The following NAF1 variants were observed in gnomAD, a reference collection of about 807,000 sequenced individuals.
NAF1 encodes H/ACA ribonucleoprotein complex non-core subunit NAF1.
In NAF1, 11 loss-of-function variants were observed where a neutral mutation model predicts 40.6. That is an observed-to-expected ratio of 0.27 (90% CI 0.17 to 0.45). The LOEUF (loss-of-function observed/expected upper bound fraction) is 0.45. Among genes scored for constraint, NAF1 ranks in the 20% least tolerant of loss-of-function variants. The probability of loss-of-function intolerance (pLI) is 1.00; values close to 1 mark genes in which losing one functional copy is unlikely to be tolerated. For synonymous variants in NAF1, 260 were observed against 228.5 expected (o/e 1.14, Z -1.24); for missense variants, 607 against 611.1 (o/e 0.99, Z 0.07).
At chr4:163,153,326 G>A (rs1201680563) in intron 2 of NAF1, among the ~76,000 whole-genome samples, 2 of 152,222 alleles carry the variant, frequency 1.3e-5, no homozygotes, top group South Asian at 2.1e-4. Context: ...GAGTCTGGTG[G>A]GGATGTGGAG....
intron 2 of NAF1, chr4:163,156,956 A>G (rs945053281): frequency 1.3e-5 from 2 of 152,150 alleles, no homozygotes; most frequent in Non-Finnish European, 2.9e-5. Context: ...AACAGCAAAA[A>G]GTTTTTCTGG....
At chr4:163,129,423 A>G (rs1259213865) in intron 7 of NAF1, 75 bp from the exon 8 acceptor site, 1 of 1,399,810 alleles carries the variant, frequency 7.1e-7, no homozygotes, top group Non-Finnish European at 9.7e-7. Context: ...TGAAATTTCA[A>G]TTATGATTTT....
At chr4:163,136,506 G>A (rs1422533109) in intron 6 of NAF1, among the ~76,000 whole-genome samples, 3 of 150,140 alleles carry the variant, frequency 2.0e-5, no homozygotes, top group African/African-American at 7.3e-5. Flanking sequence ...ATTCATTGTT[G>A]TAATTCAAAA....
chr4:163,120,767 T>G (rs1264973744), intron 2 of NAF1, among the ~76,000 whole-genome samples: 1 of 152,232 alleles, frequency 6.6e-6, no homozygotes, highest in African/African-American at 2.4e-5. Flanking sequence ...TACATGAATC[T>G]GTACTTTGTT....
At chr4:163,136,617 C>T (rs1309025632) in intron 6 of NAF1, among the ~76,000 whole-genome samples, 1 of 151,954 alleles carries the variant, frequency 6.6e-6, no homozygotes, top group Non-Finnish European at 1.5e-5. Flanking sequence ...CCTAAATTTA[C>T]TTCACATCTC....
At chr4:163,126,017 A>T (rs535084083), downstream of NAF1, among the ~76,000 whole-genome samples, 12 of 152,236 alleles carry the variant, frequency 7.9e-5, no homozygotes, top group Admixed American at 7.2e-4. Context: ...TGAAGACGTT[A>T]AGTCCACCAT....
Position 163,164,209 on chromosome 4 carries a change from G to A in NAF1, c.540+8C>T, listed in dbSNP as rs375664271. Reference sequence around the variant, plus strand: ...TGCAAACTAAGCTTAATAAATCTAAGTACTTACATTAAGAAGTAATTCATC... The same window carrying A: ...TGCAAACTAAGCTTAATAAATCTAAATACTTACATTAAGAAGTAATTCATC... On this transcript the variant is annotated splice_region_variant and intron_variant, in intron 2 of 7. Transcript: ENST00000274054. 2.2e-5 allele frequency: 34 copies of A among 1,519,640 alleles called. No homozygotes were observed. The highest frequency in any genetic ancestry group is 2.9e-5 in the Non-Finnish European group (33 of 1,135,284). The allele number at this position is 1,519,640 out of a possible 1,614,324, so 94.1% of individuals were successfully genotyped here. A position where few individuals can be genotyped will look rare whatever the true frequency, so the allele number is the denominator to read the frequency against.
chr4:163,159,730 C>T (rs1413671031), intron 2 of NAF1, among the ~76,000 whole-genome samples: 1 of 152,084 alleles, frequency 6.6e-6, no homozygotes, highest in Admixed American at 6.6e-5. Flanking sequence ...TAAGCAGTCA[C>T]CAAAGTATGA....
Position 163,166,571 on chromosome 4 carries a change from C to A in NAF1, c.157G>T (p.Ala53Ser), listed in dbSNP as rs755597318. 3.7e-6 allele frequency: 6 copies of A among 1,607,884 alleles called. No individual in the cohort carries two copies. The highest frequency in any genetic ancestry group is 1.3e-5 in the African/African-American group (1 of 74,838). ...PLQSFEGSPDAGQTVEVKPAG... is the reference protein window; with the variant it reads ...PLQSFEGSPDSGQTVEVKPAG... ...GGCTTAACCTCCACGGTCTGCCCAGCGTCCGGGGACCCCTCAAACGACTGT... is the reference window on the plus strand; with the variant it reads ...GGCTTAACCTCCACGGTCTGCCCAGAGTCCGGGGACCCCTCAAACGACTGT... The change falls in exon 1 of 8, where the codon GCT becomes TCT. Residue 53 changes from alanine (A) to serine (S), a missense_variant. Transcript: ENST00000274054.
intron 4 of NAF1, among the ~76,000 whole-genome samples, chr4:163,145,271 A>C (rs1032021464): frequency 3.3e-5 from 5 of 152,228 alleles, no homozygotes; most frequent in Non-Finnish European, 7.3e-5. Context: ...ACATATTTGT[A>C]ATTCCCCAGG....
chr4:163,131,736 A>AC (rs1306042874), intron 7 of NAF1, among the ~76,000 whole-genome samples: 1 of 152,226 alleles, frequency 6.6e-6, no homozygotes, highest in African/African-American at 2.4e-5. Context: ...TCAAAACTAA[A>AC]AACTTTAGTA....
chr4:163,146,574 T>C (rs754839926), intron 3 of NAF1, among the ~76,000 whole-genome samples: 4 of 152,228 alleles, frequency 2.6e-5, no homozygotes, highest in African/African-American at 9.6e-5. Context: ...GATAATACCA[T>C]GTCAACTAAG....
chr4:163,158,324 A>G (rs893584032), intron 2 of NAF1: 1 of 151,872 alleles, frequency 6.6e-6, no homozygotes, highest in Non-Finnish European at 1.5e-5. Context: ...TTTTTTCTCT[A>G]TAGCTGGTAA....
At chr4:163,158,872 A>C (rs1732102181) in intron 2 of NAF1, among the ~76,000 whole-genome samples, 1 of 152,058 alleles carries the variant, frequency 6.6e-6, no homozygotes, top group Non-Finnish European at 1.5e-5. Flanking sequence ...AGAAATCCTT[A>C]TTACCTCCCC....
At chr4:163,129,427 T>C in intron 7 of NAF1, 79 bp from the exon 8 acceptor site, 1 of 1,358,706 alleles carries the variant, frequency 7.4e-7, no homozygotes, top group South Asian at 1.4e-5. Flanking sequence ...ATTTCAATTA[T>C]GATTTTTATT....
chr4:163,153,408 T>G (rs1460382821), intron 2 of NAF1, among the ~76,000 whole-genome samples: 1 of 152,200 alleles, frequency 6.6e-6, no homozygotes. Flanking sequence ...GGTTTGTAAG[T>G]GCACCAATCG....
chr4:163,161,327 G>C (rs2111052162), intron 2 of NAF1, among the ~76,000 whole-genome samples: 1 of 152,228 alleles, frequency 6.6e-6, no homozygotes, highest in East Asian at 1.9e-4. Flanking sequence ...AAAAAAATTA[G>C]CAAGGCGTGG....
In NAF1 at chr4:163,128,965, G is replaced by T; in HGVS notation, c.1417C>A (p.Pro473Thr). The T allele has an allele frequency of 7.2e-7, 1 of 1,391,032 alleles. No homozygotes were observed. Among genetic ancestry groups the T allele is most frequent in the Non-Finnish European group, 1.0e-6 (1 of 994,074 alleles). 86.2% of individuals were successfully genotyped at this position (1,391,032 alleles called of 1,614,324 possible). A position where few individuals can be genotyped will look rare whatever the true frequency, so the allele number is the denominator to read the frequency against. ...GGTGGAGGAGGCAGTGGTGGAGGGG[G>T]AGGGGGTGGGGGTAGGGAGTATGGT... ...NLPYSLPPPP[P>T]PPPLPPPPSS... The change falls in exon 8 of 8, where the codon CCC becomes ACC. Residue 473 changes from proline to threonine, a missense_variant. Around this residue, in one of 3 missense-constraint regions of NAF1, gnomAD observed 189 missense variants for 216.6 expected, o/e 0.87. Transcript: ENST00000274054.
intron 2 of NAF1, among the ~76,000 whole-genome samples, chr4:163,152,643 A>G (rs1731758810): frequency 6.6e-6 from 1 of 152,242 alleles, no homozygotes. Context: ...CATATTTCCA[A>G]TACCAGTTCA....
Sources: allele counts gnomAD v4.1 joint callset (sites outside exome capture counted in the v4.1 genomes callset), GRCh38; gene constraint gnomAD v4.1.1; regional missense constraint gnomAD v4.1.1; transcripts MANE v1.5; gene names NCBI Gene and HGNC (gene_info 2026-07-23, HGNC 2026-07-21).